The following ABCG2 variants were observed in gnomAD, a reference collection of about 807,000 sequenced individuals.
ABCG2 encodes ATP binding cassette subfamily G member 2 (JR blood group), also known as broad substrate specificity ATP-binding cassette transporter ABCG2.
A neutral mutation model predicts 73.5 loss-of-function variants in ABCG2; 80 were observed. The ratio of observed to expected loss-of-function variants is 1.09; its 90% confidence interval spans 0.91 to 1.31. The LOEUF (loss-of-function observed/expected upper bound fraction) is 1.31. Ranked by LOEUF, ABCG2 falls within the 50% of genes most tolerant of loss-of-function variation. ABCG2 has a pLI of 0.00. For missense variants in ABCG2, 796 were observed against 786.2 expected, an observed-to-expected ratio of 1.01 and a Z score of -0.15; for synonymous variants, 269 against 282.4, an observed-to-expected ratio of 0.95 and a Z score of 0.48.
At chr4:88,126,339 A>G (rs189206671) in intron 5 of ABCG2, among the ~76,000 whole-genome samples, 40 of 152,350 alleles carry the variant, frequency 2.6e-4, no homozygotes, top group Non-Finnish European at 5.4e-4. Context: ...GCCGAATTCT[A>G]CCAGAGGTAC....
chr4:88,107,083 A>C, intron 10 of ABCG2, 101 bp downstream of exon 10: 1 of 877,210 alleles, frequency 1.1e-6, no homozygotes, highest in South Asian at 1.7e-5. Context: ...AAAGAATGAC[A>C]TTTACACTAT....
At chr4:88,106,782 T>G (rs573824143) in intron 10 of ABCG2, among the ~76,000 whole-genome samples, 1 of 152,330 alleles carries the variant, frequency 6.6e-6, no homozygotes, top group African/African-American at 2.4e-5. Context: ...GGCTCACGCC[T>G]GTAATCCCAG....
rs1722135611 is a variant in ABCG2 at position 88,098,461 on chromosome 4, GC to G, written c.1493-855del. Among the ~76,000 whole-genome samples, 7 of 151,482 alleles carry G rather than the reference GC, an allele frequency of 4.6e-5. 1 individual carries two copies. The highest frequency in any genetic ancestry group is 4.6e-4 in the Admixed American group (7 of 15,228). On this transcript the variant is annotated intron_variant, in intron 12 of 15. Coordinates refer to ENST00000237612, the MANE Select transcript of ABCG2 (RefSeq NM_004827.3). ...CAAGTATTTTTTTTTTAATTAACAAGCCCCAAAAGGCACCGTCTTTCTCTCA... is the reference window on the plus strand; with the variant it reads ...CAAGTATTTTTTTTTTAATTAACAAGCCCAAAAGGCACCGTCTTTCTCTCA...
rs1441263321 is a variant in ABCG2, at chr4:88,090,392, A to G, written c.*1842T>C. On this transcript the variant is annotated 3_prime_UTR_variant, in exon 16 of 16. Coordinates refer to ENST00000237612, the MANE Select transcript of ABCG2 (RefSeq NM_004827.3). ...TCTGTGTAATAAGGGAAGGGTATAT[A>G]TAGAGAACTGTAAGGGACAGGTATG... 1 of 152,184 alleles carries G rather than the reference A, an allele frequency of 6.6e-6. No individual in the cohort carries two copies. The highest frequency in any genetic ancestry group is 1.5e-5 in the Non-Finnish European group (1 of 68,038). 9.4% of individuals were successfully genotyped at this position (152,184 alleles called of 1,614,324 possible).
At chr4:88,134,627 T>C (rs1446147049) in intron 2 of ABCG2, among the ~76,000 whole-genome samples, 1 of 152,182 alleles carries the variant, frequency 6.6e-6, no homozygotes, top group Non-Finnish European at 1.5e-5. Flanking sequence ...CAGAAAAGCT[T>C]TCCAGGTTTC....
intron 1 of ABCG2, among the ~76,000 whole-genome samples, chr4:88,187,913 C>T (rs1274079703): frequency 6.6e-6 from 1 of 152,134 alleles, no homozygotes; most frequent in Non-Finnish European, 1.5e-5. Context: ...GTGGTTTCAA[C>T]TACAGGCAGG....
chr4:88,217,726 C>G (rs10007603), intron 1 of ABCG2, among the ~76,000 whole-genome samples: 59,378 of 151,658 alleles, frequency 0.39, 12,494 homozygotes, highest in East Asian at 0.6. Context: ...GTAATCCCAG[C>G]ACTCTGGGAA....
chr4:88,110,103 C>A (rs1469971882), intron 9 of ABCG2, among the ~76,000 whole-genome samples: 1 of 152,062 alleles, frequency 6.6e-6, no homozygotes, highest in African/African-American at 2.4e-5. Context: ...ACATGCACCA[C>A]CACACTTAGC....
chr4:88,143,807 A>C (rs992437474), intron 1 of ABCG2, among the ~76,000 whole-genome samples: 1 of 151,712 alleles, frequency 6.6e-6, no homozygotes, highest in Admixed American at 6.6e-5. Flanking sequence ...AGGAAAAAAA[A>C]CAAACTTTAA....
chr4:88,202,065 T>C (rs1729186632), intron 1 of ABCG2, among the ~76,000 whole-genome samples: 1 of 151,936 alleles, frequency 6.6e-6, no homozygotes, highest in Non-Finnish European at 1.5e-5. Context: ...AGAGAGGTCT[T>C]AGAAGCCAAG....
At chr4:88,170,839 TA>T (rs1727728043) in intron 1 of ABCG2, among the ~76,000 whole-genome samples, 1 of 152,212 alleles carries the variant, frequency 6.6e-6, no homozygotes, top group Non-Finnish European at 1.5e-5. Flanking sequence ...CTTATCAACC[TA>T]AATGCCCATA....
chr4:88,175,481 C>CTT (rs1727924167), intron 1 of ABCG2, among the ~76,000 whole-genome samples: 1 of 152,292 alleles, frequency 6.6e-6, no homozygotes, highest in East Asian at 1.9e-4. Flanking sequence ...AGAATTTGTT[C>CTT]ACCTCAAGGT....
upstream of ABCG2, chr4:88,158,891 G>T: frequency 3.0e-6 from 1 of 338,510 alleles, no homozygotes; most frequent in Non-Finnish European, 5.7e-6. Context: ...TCGGGCTGTG[G>T]ACCGCCAGAG....
chr4:88,112,345 A>T lies in ABCG2; in HGVS notation c.1194+958T>A, dbSNP rs938963497. 2.6e-5 allele frequency among the ~76,000 whole-genome samples: 4 copies of T among 152,216 alleles called. 1 individual carries two copies. The highest frequency in any genetic ancestry group is 7.2e-5 in the African/African-American group (3 of 41,522). ...GCTCTTCCCTTGGAGTGGCCAGCAC[A>T]TACTCCCTTTCAGGTGTATTCAGTG... On this transcript the variant is annotated intron_variant, in intron 9 of 15. Coordinates refer to ENST00000237612, the MANE Select transcript of ABCG2 (RefSeq NM_004827.3).
At position 88,113,458 on chromosome 4, in the gene ABCG2, CT is replaced by C; in HGVS notation, c.1038del (p.Ala347LeufsTer50). The part of the protein sequence containing the change: ...YVNSSFYKET[K>X]AELHQLSGGE... Reference sequence around the variant, plus strand: ...CCCCCGGAAAGTTGATGTAATTCAGCTTTTGTCTCTTTGTAGAAGGAGGAGT... The same window carrying C: ...CCCCCGGAAAGTTGATGTAATTCAGCTTTGTCTCTTTGTAGAAGGAGGAGT... On this transcript the variant is annotated frameshift_variant, in exon 9 of 16. Coordinates refer to ENST00000237612, the MANE Select transcript of ABCG2 (RefSeq NM_004827.3). LOFTEE classifies it high-confidence loss of function. The C allele has an allele frequency of 1.2e-6, 2 of 1,614,074 alleles. No homozygotes were observed. Among genetic ancestry groups the C allele is most frequent in the Non-Finnish European group, 1.7e-6 (2 of 1,180,010 alleles).
At chr4:88,137,587 T>C (rs961906583) in intron 2 of ABCG2, among the ~76,000 whole-genome samples, 1 of 152,200 alleles carries the variant, frequency 6.6e-6, no homozygotes, top group Non-Finnish European at 1.5e-5. Context: ...CCCAAGGCCC[T>C]GAGGACCTAC....
chr4:88,199,867 C>T (rs1425658993), intron 1 of ABCG2, among the ~76,000 whole-genome samples: 4 of 151,596 alleles, frequency 2.6e-5, no homozygotes, highest in Admixed American at 6.6e-5. Context: ...CGGGCGTGGT[C>T]GTGGGTGCCT....
chr4:88,179,437 A>G (rs895464057), intron 1 of ABCG2, among the ~76,000 whole-genome samples: 3 of 152,180 alleles, frequency 2.0e-5, no homozygotes, highest in African/African-American at 7.2e-5. Flanking sequence ...AGCCTTCCCA[A>G]GAAGGACAGG....
At chr4:88,167,111 A>T (rs79610961) in intron 1 of ABCG2, among the ~76,000 whole-genome samples, 5 of 137,342 alleles carry the variant, frequency 3.6e-5, no homozygotes, top group African/African-American at 1.4e-4. Context: ...TCAGGGTATC[A>T]ACAGGCCAAG....
Sources: allele counts gnomAD v4.1 joint callset (sites outside exome capture counted in the v4.1 genomes callset), GRCh38; gene constraint gnomAD v4.1.1; transcripts MANE v1.5; gene names NCBI Gene and HGNC (gene_info 2026-07-23, HGNC 2026-07-21).